The following ITGAD variants were observed in gnomAD, a reference collection of about 807,000 sequenced individuals.
ITGAD encodes the protein integrin subunit alpha D, also known as integrin alpha-D.
A neutral mutation model predicts 139.0 loss-of-function variants in ITGAD; 105 were observed. The ratio of observed to expected loss-of-function variants is 0.76; its 90% CI spans 0.65 to 0.89. The LOEUF (loss-of-function observed/expected upper bound fraction) is 0.89. ITGAD is among the 40% of genes least tolerant of loss of function. The probability of loss-of-function intolerance (pLI) is 0.00; values close to 1 mark genes in which losing one functional copy is unlikely to be tolerated. For synonymous variants in ITGAD, 569 were observed against 598.3 expected (o/e 0.95, Z 0.71); for missense variants, 1,384 against 1,487.3 (o/e 0.93, Z 1.14).
At position 31,411,524 on chromosome 16, in the gene ITGAD, C is replaced by T. The variant is rs780852086; in HGVS notation, c.1707+7C>T. ...CAGCCCCTCCCACAGCCAGGTGAGG[C>T]CCGTCTTCAGCCTCTTTTAGTCCCA... On this transcript the variant is annotated splice_region_variant and intron_variant, in intron 14 of 29. Transcript: ENST00000389202. 1 of 1,613,886 alleles carries T rather than the reference C, an allele frequency of 6.2e-7. No individual in the cohort carries two copies. The highest frequency in any genetic ancestry group is 8.5e-7 in the Non-Finnish European group (1 of 1,179,780).
At position 31,407,673 on chromosome 16, in the gene ITGAD, G is replaced by A. The variant is rs753096946; in HGVS notation, c.858+5G>A. Reference sequence around the variant, plus strand: ...ATCATCCGCTACGCTATCGGGGTGCGCCTCTTCTTCACCCCTGCCCCAGGC... The same window carrying A: ...ATCATCCGCTACGCTATCGGGGTGCACCTCTTCTTCACCCCTGCCCCAGGC... On this transcript the variant is annotated splice_donor_5th_base_variant and intron_variant, in intron 8 of 29. Coordinates refer to ENST00000389202, the MANE Select transcript of ITGAD (RefSeq NM_005353.3). The A allele has an allele frequency of 8.7e-6, 14 of 1,613,882 alleles. No homozygotes were observed. Among genetic ancestry groups the A allele is most frequent in the African/African-American group, 4.0e-5 (3 of 74,920 alleles).
chr16:31,408,305 C>T (rs1355716189), intron 9 of ITGAD, 120 bp from the exon 10 acceptor site: 1 of 815,940 alleles, frequency 1.2e-6, no homozygotes, highest in African/African-American at 1.7e-5. Context: ...CATTCCTGTT[C>T]ACAACTCACT....
intron 23 of ITGAD, among the ~76,000 whole-genome samples, chr16:31,421,807 T>C (rs1342738178): frequency 6.6e-6 from 1 of 152,146 alleles, no homozygotes; most frequent in African/African-American, 2.4e-5. Flanking sequence ...CCTAGGCGGT[T>C]TGACACTGGA....
At position 31,397,687 on chromosome 16, in the gene ITGAD, A is replaced by AC. The variant is rs759241127; in HGVS notation, c.312+22dup. On this transcript the variant is annotated intron_variant, in intron 4 of 29. Transcript: ENST00000389202. ...TCCTGGTGAGTGAGTGTCTTGGGCC[A>AC]CGGGGGGGTGGGGTGGGGCGGGGGG... 7.1e-5 allele frequency: 13 copies of AC among 181,944 alleles called. No homozygotes were observed. In the East Asian group the frequency reaches 1.7e-3, roughly 23 times the overall value. 11.3% of individuals were successfully genotyped at this position (181,944 alleles called of 1,614,324 possible).
intron 2 of ITGAD, among the ~76,000 whole-genome samples, chr16:31,396,898 A>G (rs1020432848): frequency 5.3e-5 from 8 of 152,202 alleles, no homozygotes; most frequent in African/African-American, 1.7e-4. Flanking sequence ...AATTGGTCCA[A>G]TGAATTACAG....
chr16:31,405,767 G>C (rs1474510871), intron 7 of ITGAD, among the ~76,000 whole-genome samples: 2 of 149,802 alleles, frequency 1.3e-5, no homozygotes, highest in Non-Finnish European at 3.0e-5. Flanking sequence ...TCAGCCTCCC[G>C]AGTTGGGATC....
Position 31,412,958 on chromosome 16 carries a change from C to T in ITGAD, c.1828C>T (p.Leu610Phe). The T allele has an allele frequency of 2.5e-6, 4 of 1,607,700 alleles. No homozygotes were observed. Among genetic ancestry groups the T allele is most frequent in the Non-Finnish European group, 2.5e-6 (3 of 1,176,902 alleles). ...GGCCGTGGGGGCCCGGGGCCAGGTG[C>T]TCCTGCTCAGGTAGCGACTCCCCAA... ...DLAVGARGQV[L>F]LLRSLPVLKV... The change falls in exon 15 of 30, where the codon CTC becomes TTC. Residue 610 changes from leucine (L) to phenylalanine (F), a missense_variant. Leu to Phe is a conservative substitution (Grantham distance 22). Coordinates refer to ENST00000389202, the MANE Select transcript of ITGAD (RefSeq NM_005353.3).
Position 31,407,862 on chromosome 16 carries a change from G to A in ITGAD, c.955G>A (p.Ala319Thr). ...CCACGTGTTCAAGGTGGACAACTTT[G>A]CAGCCCTTGGCAGCATCCAGAAGCA... ...QDHVFKVDNF[A>T]ALGSIQKQLQ... is the part of the protein sequence containing the mutation. The change falls in exon 9 of 30, where the codon GCA becomes ACA. Residue 319 changes from alanine (A) to threonine (T), a missense_variant. By Grantham distance (58) the Ala-to-Thr change is moderately conservative. Coordinates refer to ENST00000389202, the MANE Select transcript of ITGAD (RefSeq NM_005353.3). The A allele has an allele frequency of 6.2e-7, 1 of 1,601,600 alleles. No individual in the cohort carries two copies. The highest frequency in any genetic ancestry group is 8.6e-7 in the Non-Finnish European group (1 of 1,169,518).
intron 16 of ITGAD, 123 bp downstream of exon 16, chr16:31,413,369 A>T: frequency 9.3e-7 from 1 of 1,071,012 alleles, no homozygotes; most frequent in Non-Finnish European, 1.3e-6. Context: ...CACCTGTGCC[A>T]GAAACCTGGC....
At chr16:31,412,188 C>G (rs2081740397) in intron 14 of ITGAD, among the ~76,000 whole-genome samples, 1 of 151,714 alleles carries the variant, frequency 6.6e-6, no homozygotes, top group African/African-American at 2.4e-5. Flanking sequence ...AGATTATAGG[C>G]TTCTGCCACC....
At chr16:31,409,579 G>A (rs1011181210) in intron 10 of ITGAD, among the ~76,000 whole-genome samples, 1 of 152,070 alleles carries the variant, frequency 6.6e-6, no homozygotes, top group African/African-American at 2.4e-5. Flanking sequence ...CTCCCTGAAG[G>A]AGCTGAGGAA....
intron 2 of ITGAD, among the ~76,000 whole-genome samples, chr16:31,396,243 G>A (rs1156804098): frequency 3.3e-5 from 5 of 152,154 alleles, no homozygotes; most frequent in Non-Finnish European, 5.9e-5. Context: ...AGGCTGAGGC[G>A]GGTGGATCAC....
At chr16:31,401,971 G>T (rs2081416309) in intron 5 of ITGAD, 144 bp from the exon 6 acceptor site, 2 of 870,828 alleles carry the variant, frequency 2.3e-6, no homozygotes. Flanking sequence ...GGGGGCTGGG[G>T]TGGCAGACTG....
At chr16:31,394,481 G>T in intron 2 of ITGAD, 140 bp downstream of exon 2, 1 of 590,402 alleles carries the variant, frequency 1.7e-6, no homozygotes, top group South Asian at 2.0e-5. Flanking sequence ...TGGAGGCCCT[G>T]ACATCAGCAC....
chr16:31,416,764 C>T (rs1167824172), intron 20 of ITGAD, 118 bp downstream of exon 20: 2 of 785,904 alleles, frequency 2.5e-6, no homozygotes, highest in Non-Finnish European at 1.9e-6. Flanking sequence ...CTCTCTCTCT[C>T]ACACACACAC....
chr16:31,404,406 G>A (rs1466627090), intron 7 of ITGAD: 3 of 152,118 alleles, frequency 2.0e-5, no homozygotes, highest in Non-Finnish European at 4.4e-5. Flanking sequence ...GCCCTGGGGT[G>A]GTGCTAGAAT....
At chr16:31,415,871 T>C (rs2081872832) in intron 18 of ITGAD, among the ~76,000 whole-genome samples, 1 of 152,192 alleles carries the variant, frequency 6.6e-6, no homozygotes, top group Non-Finnish European at 1.5e-5. Flanking sequence ...TCTTTGAGCA[T>C]AGGAACCATG....
chr16:31,417,274 C>T (rs541634576), intron 20 of ITGAD, among the ~76,000 whole-genome samples: 3 of 149,484 alleles, frequency 2.0e-5, no homozygotes, highest in Non-Finnish European at 4.4e-5. Flanking sequence ...CAGGGTCTCA[C>T]CATGCTGCCC....
intron 1 of ITGAD, 144 bp downstream of exon 1, chr16:31,393,535 C>T (rs1408075907): frequency 1.4e-5 from 12 of 834,732 alleles, no homozygotes; most frequent in African/African-American, 5.0e-5. Flanking sequence ...GCGAGTGGCC[C>T]GGAGTCAGTA....
Sources: gnomAD v4.1 joint callset for allele counts (sites outside exome capture counted in the v4.1 genomes callset) on GRCh38, gnomAD v4.1.1 for gene constraint, MANE v1.5 for transcripts, NCBI Gene and HGNC (gene_info 2026-07-23, HGNC 2026-07-21) for gene names.